UBR3: variants seen among roughly 807,000 people sequenced by gnomAD.
UBR3 encodes the protein E3 ubiquitin-protein ligase UBR3.
In UBR3, 85 loss-of-function variants were observed where a neutral mutation model predicts 243.2. That is an observed-to-expected ratio of 0.35 (90% confidence interval 0.29 to 0.42). UBR3 has a LOEUF of 0.42. Among genes scored for constraint, UBR3 ranks in the 10% least tolerant of loss-of-function variants. UBR3 has a pLI of 1.00. For synonymous variants in UBR3, 748 were observed against 799.8 expected (o/e 0.94, Z 1.09); for missense variants, 1,686 against 2,300.8 (o/e 0.73, Z 5.47).
chr2:170,033,301 G>A (rs2090729286), intron 31 of UBR3, among the ~76,000 whole-genome samples: 2 of 151,928 alleles, frequency 1.3e-5, no homozygotes, highest in South Asian at 4.1e-4. Context: ...TTCATGCTAG[G>A]CATTTTGGTG....
At chr2:170,003,353 A>G (rs2089782710) in intron 27 of UBR3, among the ~76,000 whole-genome samples, 1 of 152,206 alleles carries the variant, frequency 6.6e-6, no homozygotes, top group African/African-American at 2.4e-5. Flanking sequence ...CAGGTACTCC[A>G]GGATCTGGTC....
At chr2:170,080,763 A>G in intron 38 of UBR3, 79 bp downstream of exon 38, 1 of 1,438,304 alleles carries the variant, frequency 7.0e-7, no homozygotes, top group Non-Finnish European at 9.3e-7. Flanking sequence ...CTGGCTTTGT[A>G]ATTACAATTT....
intron 28 of UBR3, among the ~76,000 whole-genome samples, chr2:170,008,467 A>G (rs912084580): frequency 2.6e-5 from 4 of 152,280 alleles, no homozygotes; most frequent in African/African-American, 9.6e-5. Context: ...ATGAACTTAA[A>G]TGAAAGTCAG....
intron 5 of UBR3, among the ~76,000 whole-genome samples, chr2:169,878,910 A>G (rs1166657134): frequency 6.6e-6 from 1 of 152,182 alleles, no homozygotes; most frequent in Non-Finnish European, 1.5e-5. Context: ...TAGTTGTCAT[A>G]TGTACAATGA....
chr2:169,873,612 G>T (rs1444910185), intron 2 of UBR3, among the ~76,000 whole-genome samples: 1 of 152,138 alleles, frequency 6.6e-6, no homozygotes, highest in Non-Finnish European at 1.5e-5. Context: ...GTTCAAGGCT[G>T]CAGTGAGCTA....
At chr2:170,054,792 T>C (rs530694870) in intron 32 of UBR3, among the ~76,000 whole-genome samples, 47 of 152,266 alleles carry the variant, frequency 3.1e-4, no homozygotes, top group Middle Eastern at 3.4e-3. Flanking sequence ...GTTTTAAACA[T>C]TGAGACTCCC....
intron 18 of UBR3, among the ~76,000 whole-genome samples, 193 bp from the exon 19 acceptor site, chr2:169,932,719 A>T (rs1227458631): frequency 6.6e-6 from 1 of 152,260 alleles, no homozygotes; most frequent in African/African-American, 2.4e-5. Context: ...TCAAGAGAAC[A>T]TTCCTGATGA....
At chr2:169,965,017 C>T (rs1180949842) in intron 24 of UBR3, 4 of 455,656 alleles carry the variant, frequency 8.8e-6, no homozygotes, top group Non-Finnish European at 1.8e-5. Flanking sequence ...TTGGCCATGG[C>T]CACACCACTA....
chr2:170,017,042 A>G (rs950773614), intron 30 of UBR3: 5 of 172,252 alleles, frequency 2.9e-5, no homozygotes, highest in African/African-American at 1.2e-4. Flanking sequence ...TATATGCAAA[A>G]TCCCACTATC....
chr2:169,893,479 T>G (rs897789492), intron 6 of UBR3, among the ~76,000 whole-genome samples: 4 of 152,200 alleles, frequency 2.6e-5, no homozygotes, highest in Non-Finnish European at 5.9e-5. Flanking sequence ...TTCATTTTGG[T>G]AGTCTGTGAA....
intron 31 of UBR3, among the ~76,000 whole-genome samples, chr2:170,035,091 CTT>C (rs1458153497): frequency 9.9e-5 from 15 of 151,784 alleles, no homozygotes; most frequent in Non-Finnish European, 2.2e-4. Flanking sequence ...TCAGATGTGT[CTT>C]TTGCAAATGT....
In UBR3 at chr2:169,836,065, A is replaced by ATTTTTTTTTT. The variant is rs1558999105; in HGVS notation, c.545+8014_545+8015insTTTTTTTTTT. Reference sequence around the variant, plus strand: ...TCTCTATATATATATATATATATATATATTTTTTTTTTTTTTTTTTTTTTT... The same window carrying ATTTTTTTTTT: ...TCTCTATATATATATATATATATATATTTTTTTTTTTATTTTTTTTTTTTTTTTTTTTTTT... On this transcript the variant is annotated intron_variant, in intron 1 of 38. Coordinates refer to ENST00000272793, the MANE Select transcript of UBR3 (RefSeq NM_172070.4). 3.9e-4 allele frequency among the ~76,000 whole-genome samples: 11 copies of ATTTTTTTTTT among 27,938 alleles called. 3 individuals are homozygous for ATTTTTTTTTT. Among genetic ancestry groups the ATTTTTTTTTT allele is most frequent in the Non-Finnish European group, 7.2e-4 (11 of 15,310 alleles). 18.3% of individuals were successfully genotyped at this position (27,938 alleles called of 152,430 possible).
intron 2 of UBR3, 90 bp from the exon 3 acceptor site, chr2:169,875,701 A>G (rs2083581745): frequency 2.6e-6 from 3 of 1,163,456 alleles, no homozygotes; most frequent in Non-Finnish European, 3.5e-6. Context: ...TTAAGCCATT[A>G]TAATTTTAAA....
intron 27 of UBR3, among the ~76,000 whole-genome samples, chr2:170,003,013 C>T (rs1056741289): frequency 2.0e-5 from 3 of 152,134 alleles, no homozygotes; most frequent in Non-Finnish European, 4.4e-5. Flanking sequence ...TCTCATGTTC[C>T]TAACTCAGAA....
intron 8 of UBR3, among the ~76,000 whole-genome samples, chr2:169,904,057 T>C (rs1442466861): frequency 6.6e-6 from 1 of 152,080 alleles, no homozygotes; most frequent in Non-Finnish European, 1.5e-5. Flanking sequence ...TAAAATAGAG[T>C]TAGAATATAA....
rs1366190625 is a variant in UBR3 at position 169,925,562 on chromosome 2, T to C, written c.2023-57T>C. On this transcript the variant is annotated intron_variant, in intron 13 of 38. Coordinates refer to ENST00000272793, the MANE Select transcript of UBR3 (RefSeq NM_172070.4). The stretch of plus-strand genomic sequence containing the variant: ...AATATTTTGAAATGGTTATTTATAA[T>C]ATTTTGTAAAGATTGCATTTAGATA... The C allele has an allele frequency of 8.4e-6, 12 of 1,428,008 alleles. No homozygotes were observed. The East Asian group carries it at 3.0e-4, about 36-fold the overall frequency. The allele number at this position is 1,428,008 out of a possible 1,614,324, so 88.5% of individuals were successfully genotyped here.
In UBR3 at chr2:170,029,467, C is replaced by A; in HGVS notation, c.4556+19C>A. 6.5e-7 allele frequency: 1 copy of A among 1,542,192 alleles called. No individual in the cohort carries two copies. Among genetic ancestry groups the A allele is most frequent in the Non-Finnish European group, 8.8e-7 (1 of 1,133,166 alleles). Reference sequence around the variant, plus strand: ...ATCCACAGTAAGTATAATTGAAAGACTAAAATCAATTAAAACTCTTTATGA... The same window carrying A: ...ATCCACAGTAAGTATAATTGAAAGAATAAAATCAATTAAAACTCTTTATGA... On this transcript the variant is annotated intron_variant, in intron 31 of 38. Coordinates refer to ENST00000272793, the MANE Select transcript of UBR3 (RefSeq NM_172070.4).
chr2:170,029,246 G>A, intron 30 of UBR3, 100 bp from the exon 31 acceptor site: 1 of 906,768 alleles, frequency 1.1e-6, no homozygotes, highest in South Asian at 1.8e-5. Context: ...TGTCAGGATG[G>A]GAAACAGATT....
intron 35 of UBR3, among the ~76,000 whole-genome samples, chr2:170,067,036 C>T (rs575319143): frequency 7.0e-6 from 1 of 142,548 alleles, no homozygotes; most frequent in Non-Finnish European, 1.6e-5. Flanking sequence ...CCTCATTTTC[C>T]AGACAAGGAA....
Sources: gnomAD v4.1 joint callset for allele counts (sites outside exome capture counted in the v4.1 genomes callset) on GRCh38, gnomAD v4.1.1 for gene constraint, MANE v1.5 for transcripts, NCBI Gene and HGNC (gene_info 2026-07-23, HGNC 2026-07-21) for gene names.